ABCB4: variants seen among roughly 807,000 people sequenced by gnomAD.
The protein encoded by ABCB4 is ATP binding cassette subfamily B member 4, also known as phosphatidylcholine translocator ABCB4.
A neutral mutation model predicts 145.7 loss-of-function variants in ABCB4; 76 were observed. The ratio of observed to expected loss-of-function variants is 0.52; its 90% CI spans 0.43 to 0.63. The LOEUF (loss-of-function observed/expected upper bound fraction) is 0.63, where lower values mean the gene tolerates loss of function less well. ABCB4 is among the 30% of genes least tolerant of loss of function. ABCB4 has a pLI of 0.00. For missense variants in ABCB4, 1,234 were observed against 1,553.1 expected (o/e 0.79, Z 3.45); for synonymous variants, 517 against 566.8 (o/e 0.91, Z 1.25).
At chr7:87,403,385 CGTT>C (rs1466097685) in intron 26 of ABCB4, 104 bp from the exon 27 acceptor site, 6 of 1,141,466 alleles carry the variant, frequency 5.3e-6, no homozygotes, top group Non-Finnish European at 7.8e-6. Flanking sequence ...GTTTCTATAA[CGTT>C]GTTTCAACTT....
the ABCB4 span, among the ~76,000 whole-genome samples, chr7:87,376,259 CA>C: frequency 4.6e-5 from 7 of 152,162 alleles, no homozygotes; most frequent in East Asian, 1.2e-3. Context: ...TTACACAGAG[CA>C]CTAGGTTAAT....
At chr7:87,407,917 G>A (rs1486739132) in intron 25 of ABCB4, 120 bp downstream of exon 25, 15 of 1,267,572 alleles carry the variant, frequency 1.2e-5, no homozygotes, top group Non-Finnish European at 1.6e-5. Flanking sequence ...TTTATAGAAT[G>A]TGGTCATTGT....
At position 87,423,808 on chromosome 7, in the gene ABCB4, T is replaced by A. The variant is rs1310976124; in HGVS notation, c.2211+98A>T. 4 of 1,494,276 alleles carry A rather than the reference T, an allele frequency of 2.7e-6. No homozygotes were observed. In the African/African-American group the frequency reaches 5.5e-5, roughly 21 times the overall value. 92.6% of individuals were successfully genotyped at this position (1,494,276 alleles called of 1,614,324 possible). A position where few individuals can be genotyped will look rare whatever the true frequency, so the allele number is the denominator to read the frequency against. On this transcript the variant is annotated intron_variant, in intron 17 of 27. Transcript: ENST00000649586. ...ACTTTGGCTTAGTTTAATTTAAGGC[T>A]GCTTAATCCCAGAATGGAGCCAGTC... is the stretch of plus-strand genomic sequence containing the variant.
At chr7:87,376,737 C>G in the ABCB4 span, among the ~76,000 whole-genome samples, 499 of 151,330 alleles carry the variant, frequency 3.3e-3, 5 homozygotes, top group African/African-American at 0.011. Flanking sequence ...GTTACAAATA[C>G]ATTTAGATTG....
At chr7:87,376,532 A>G in the ABCB4 span, among the ~76,000 whole-genome samples, 12 of 152,214 alleles carry the variant, frequency 7.9e-5, no homozygotes, top group Non-Finnish European at 1.8e-4. Context: ...TAGAAATCTC[A>G]TAGTCTTTTG....
chr7:87,387,247 CCT>C, the ABCB4 span, among the ~76,000 whole-genome samples: 1 of 151,902 alleles, frequency 6.6e-6, no homozygotes, highest in African/African-American at 2.4e-5. Context: ...TAACATGACT[CCT>C]CTCAGTTTTG....
the ABCB4 span, chr7:87,369,522 T>C: frequency 2.2e-6 from 3 of 1,374,348 alleles, no homozygotes; most frequent in Admixed American, 3.7e-5. Flanking sequence ...TTAGGTCTTA[T>C]GGTGTTGCTT....
downstream of ABCB4, among the ~76,000 whole-genome samples, chr7:87,401,385 G>T (rs915059115): frequency 6.6e-6 from 1 of 152,092 alleles, no homozygotes; most frequent in Non-Finnish European, 1.5e-5. Flanking sequence ...TAGGAAAAAC[G>T]GATTTTCTGG....
chr7:87,370,875 G>A, the ABCB4 span, among the ~76,000 whole-genome samples: 2 of 152,218 alleles, frequency 1.3e-5, no homozygotes, highest in Non-Finnish European at 2.9e-5. Flanking sequence ...TAGGATATGT[G>A]TATGTTCAGC....
At chr7:87,423,720 C>T (rs1388388528) in intron 17 of ABCB4, 186 bp downstream of exon 17, 2 of 663,422 alleles carry the variant, frequency 3.0e-6, no homozygotes, top group South Asian at 1.8e-5. Flanking sequence ...AATATCATAA[C>T]TTAGAGTGAT....
chr7:87,439,559 G>C (rs1224305750), intron 14 of ABCB4, 108 bp downstream of exon 14: 1 of 1,254,438 alleles, frequency 8.0e-7, no homozygotes, highest in Non-Finnish European at 1.2e-6. Flanking sequence ...CCATGAGGTA[G>C]CTCCATTTGC....
intron 23 of ABCB4, among the ~76,000 whole-genome samples, chr7:87,410,060 CT>C (rs1808499563): frequency 6.6e-6 from 1 of 152,090 alleles, no homozygotes; most frequent in African/African-American, 2.4e-5. Flanking sequence ...ATATGTACCC[CT>C]GAACCTAAAA....
chr7:87,424,261 G>C (rs559821985), intron 16 of ABCB4, among the ~76,000 whole-genome samples: 2 of 152,062 alleles, frequency 1.3e-5, no homozygotes, highest in African/African-American at 4.8e-5. Flanking sequence ...TGGGTTGTTC[G>C]GCCAAGAAAT....
chr7:87,390,566 C>T, the ABCB4 span, among the ~76,000 whole-genome samples: 1 of 152,156 alleles, frequency 6.6e-6, no homozygotes, highest in Non-Finnish European at 1.5e-5. Context: ...TTGAGCCCTC[C>T]TAGTACCCAC....
intron 15 of ABCB4, among the ~76,000 whole-genome samples, chr7:87,430,286 G>A (rs1225290592): frequency 6.6e-6 from 1 of 152,078 alleles, no homozygotes; most frequent in Non-Finnish European, 1.5e-5. Flanking sequence ...TGTGGATGAC[G>A]TATATCTGAA....
the ABCB4 span, chr7:87,382,691 A>G: frequency 1.4e-6 from 1 of 737,262 alleles, no homozygotes; most frequent in South Asian, 2.2e-5. Flanking sequence ...TCAATAGAGT[A>G]TTAGATTTCT....
intron 3 of ABCB4, among the ~76,000 whole-genome samples, chr7:87,468,943 A>AATAAAATAAGATAAAATAAG (rs1394234063): frequency 8.5e-5 from 12 of 141,082 alleles, no homozygotes; most frequent in African/African-American, 3.0e-4. Context: ...AAAATAAATA[A>AATAAAATAAGATAAAATAAG]ATAAAATAAA....
At chr7:87,370,775 G>T in the ABCB4 span, among the ~76,000 whole-genome samples, 1 of 152,176 alleles carries the variant, frequency 6.6e-6, no homozygotes, top group Non-Finnish European at 1.5e-5. Context: ...TTTGAAAAAG[G>T]CTGCTGTGAA....
downstream of ABCB4, among the ~76,000 whole-genome samples, chr7:87,400,729 A>C (rs1200182101): frequency 6.6e-6 from 1 of 152,260 alleles, no homozygotes; most frequent in East Asian, 1.9e-4. Flanking sequence ...TCATTGGAAC[A>C]TTTAGGATTT....
Sources: allele counts gnomAD v4.1 joint callset (sites outside exome capture counted in the v4.1 genomes callset), GRCh38; gene constraint gnomAD v4.1.1; transcripts MANE v1.5; gene names NCBI Gene and HGNC (gene_info 2026-07-23, HGNC 2026-07-21).